Variants in SPTBN5 observed in about 807,000 individuals in gnomAD.
SPTBN5 encodes the protein spectrin beta, non-erythrocytic 5.
In SPTBN5, 513 loss-of-function variants were observed where a neutral mutation model predicts 477.6. The observed-to-expected ratio is 1.07, with a 90% CI of 1.00 to 1.16. The LOEUF (loss-of-function observed/expected upper bound fraction) is 1.16. SPTBN5 is among the 50% of genes most tolerant of loss of function. The pLI, the probability that SPTBN5 is intolerant of heterozygous loss-of-function variation, is 0.00. For missense variants in SPTBN5, 5,062 were observed against 4,731.8 expected (o/e 1.07, Z -2.05); for synonymous variants, 2,169 against 2,011.7 (o/e 1.08, Z -2.09).
Position 41,855,813 on chromosome 15 carries a change from A to T in SPTBN5, c.9022-68T>A, listed in dbSNP as rs1404305832. ...CCAGGGCTCAGGATTTACAGCCACGATTCTCAGCCTGGCTGCACAGGGGAA... is the reference window on the plus strand; with the variant it reads ...CCAGGGCTCAGGATTTACAGCCACGTTTCTCAGCCTGGCTGCACAGGGGAA... On this transcript the variant is annotated intron_variant, in intron 53 of 67. Transcript: ENST00000320955. 7.0e-6 allele frequency: 10 copies of T among 1,432,384 alleles called. No individual in the cohort carries two copies. In the Admixed American group the frequency reaches 1.9e-4, roughly 28 times the overall value. The allele number at this position is 1,432,384 out of a possible 1,614,324, so 88.7% of individuals were successfully genotyped here.
chr15:41,851,134 G>A lies in SPTBN5; in HGVS notation c.10760C>T (p.Ala3587Val). ...CCGGGCTCCCGTGAGGTCAAGGAGG[G>A]CTATGGAAGCTACTTTCTGAGGAGA... ...RMAAEKVASI[A>V]LLDLTGARCE... Residue 3587 changes from alanine to valine, a missense_variant, in exon 65 of 68, where the codon GCC (alanine) becomes GTC (valine). Ala to Val is a moderately conservative substitution (Grantham distance 64). Transcript: ENST00000320955. The A allele has an allele frequency of 1.2e-6, 2 of 1,613,130 alleles. No homozygotes were observed. Among genetic ancestry groups the A allele is most frequent in the Non-Finnish European group, 8.5e-7 (1 of 1,179,752 alleles).
At chr15:41,868,024 A>G (rs977075737) in intron 34 of SPTBN5, 45 bp downstream of exon 34, 1 of 1,555,258 alleles carries the variant, frequency 6.4e-7, no homozygotes, top group African/African-American at 1.4e-5. Flanking sequence ...AATAGAAAGG[A>G]GGAGCAGGAG....
At chr15:41,849,578 G>A (rs891628424) in intron 67 of SPTBN5, among the ~76,000 whole-genome samples, 3 of 152,184 alleles carry the variant, frequency 2.0e-5, no homozygotes, top group African/African-American at 4.8e-5. Context: ...ACAAGCAGCC[G>A]AGCAGGAAGG....
rs1254394574 is a variant in SPTBN5, at chr15:41,852,189, T to A, written c.10577A>T (p.Asp3526Val). ...CCCCATAGGGACACCTGCCTGGGGGTCCCTCGTCTCAGCCAGCTGTGCTCC... is the reference window on the plus strand; with the variant it reads ...CCCCATAGGGACACCTGCCTGGGGGACCCTCGTCTCAGCCAGCTGTGCTCC... ...GLGAQLAETR[D>V]PQDAKGTPTM... The change falls in exon 62 of 68, where the codon GAC (aspartate) becomes GTC (valine). Residue 3526 changes from aspartate to valine, a missense_variant. Physicochemically the swap from Asp to Val is radical, Grantham distance 152 (BLOSUM62 -3). Coordinates refer to ENST00000320955, the MANE Select transcript of SPTBN5 (RefSeq NM_016642.4). The A allele has an allele frequency of 6.3e-7, 1 of 1,589,960 alleles. No individual in the cohort carries two copies. The highest frequency in any genetic ancestry group is 2.3e-5 in the East Asian group (1 of 44,342).
At position 41,856,444 on chromosome 15, in the gene SPTBN5, G is replaced by A. The variant is rs541858579; in HGVS notation, c.8963C>T (p.Ala2988Val). The A allele has an allele frequency of 1.3e-4, 212 of 1,594,354 alleles. No individual in the cohort carries two copies. In the South Asian group the frequency reaches 2.0e-3, roughly 15 times the overall value. ...EKAMAHLRAEAARRRLLLQQA... is the reference protein window; with the variant it reads ...EKAMAHLRAEVARRRLLLQQA... ...CTGCAGCAGAAGCCGCCTCCGCGCC[G>A]CCTCTGCCCGCAGGTGGGCCATGGC... The change falls in exon 53 of 68, where the codon GCG becomes GTG. Residue 2988 changes from alanine to valine, a missense_variant. Ala to Val is a moderately conservative substitution (Grantham distance 64, BLOSUM62 0). Transcript: ENST00000320955.
chr15:41,853,074 C>G (rs924544301), intron 59 of SPTBN5, 74 bp from the exon 60 acceptor site: 1 of 1,450,810 alleles, frequency 6.9e-7, no homozygotes, highest in Non-Finnish European at 9.1e-7. Flanking sequence ...GCTGGAGAGC[C>G]AAGTGTTAAT....
intron 1 of SPTBN5, 54 bp from the exon 2 acceptor site, chr15:41,893,600 G>A: frequency 6.8e-7 from 1 of 1,470,354 alleles, no homozygotes; most frequent in Non-Finnish European, 9.0e-7. Context: ...CCCTCTACCA[G>A]GGGCCTGGGG....
chr15:41,848,596 G>A lies in SPTBN5; in HGVS notation c.*20C>T, dbSNP rs967298323. 2 of 1,613,760 alleles carry A rather than the reference G, an allele frequency of 1.2e-6. No homozygotes were observed. The highest frequency in any genetic ancestry group is 8.5e-7 in the Non-Finnish European group (1 of 1,179,806). On this transcript the variant is annotated 3_prime_UTR_variant, in exon 68 of 68. Transcript: ENST00000320955. ...TCCTCGCTTGTGCCCCTGAAGTTTG[G>A]TGTTGCACTGGGGTTCACCTCAGGG...
At position 41,874,892 on chromosome 15, in the gene SPTBN5, G is replaced by A. The variant is rs2066669632; in HGVS notation, c.4452C>T (p.Gly1484=). The stretch of plus-strand genomic sequence containing the variant: ...CCAGGATGGCCGGGGAGGCGGCCAT[G>A]CCATGGGCCATGGAGGCGAGGGCAG... The part of the protein sequence containing the change: ...KMAALASMAH[G]MAASPAILEE... The change falls in exon 23 of 68, where the codon GGC becomes GGT. Residue 1484 remains glycine, a synonymous_variant. Transcript: ENST00000320955. 1 of 1,612,750 alleles carries A rather than the reference G, an allele frequency of 6.2e-7. No individual in the cohort carries two copies. The highest frequency in any genetic ancestry group is 1.3e-5 in the African/African-American group (1 of 74,930).
chr15:41,878,262 T>C (rs2066813421), intron 17 of SPTBN5, 80 bp downstream of exon 17: 2 of 1,511,516 alleles, frequency 1.3e-6, no homozygotes, highest in South Asian at 1.3e-5. Flanking sequence ...ACTTCCCGCA[T>C]GCTCTTTCTG....
chr15:41,862,101 G>T, intron 44 of SPTBN5, 29 bp downstream of exon 44: 1 of 1,524,506 alleles, frequency 6.6e-7, no homozygotes. Context: ...TGAGAGCCTG[G>T]GAAAGGCTTG....
intron 39 of SPTBN5, among the ~76,000 whole-genome samples, chr15:41,864,548 A>G (rs1190249378): frequency 1.3e-5 from 2 of 152,194 alleles, no homozygotes; most frequent in Non-Finnish European, 2.9e-5. Context: ...TACTGACCTC[A>G]AGTGATCTGC....
At chr15:41,864,124 G>C (rs1034437187) in intron 39 of SPTBN5, 100 bp from the exon 40 acceptor site, 10 of 983,406 alleles carry the variant, frequency 1.0e-5, no homozygotes, top group Non-Finnish European at 1.5e-5. Flanking sequence ...CCCGGAGCAT[G>C]AGGAACTGCA....
chr15:41,863,620 G>A, intron 41 of SPTBN5, 84 bp downstream of exon 41: 1 of 1,068,914 alleles, frequency 9.4e-7, no homozygotes. Context: ...TGAGGGGGGA[G>A]ACGCATGGGA....
At position 41,877,293 on chromosome 15, in the gene SPTBN5, C is replaced by T. The variant is rs1230098277; in HGVS notation, c.3534G>A (p.Glu1178=). Residue 1178 remains glutamate, a synonymous_variant, in exon 18 of 68, where the codon GAG becomes GAA. Coordinates refer to ENST00000320955, the MANE Select transcript of SPTBN5 (RefSeq NM_016642.4). Reference sequence around the variant, plus strand: ...CCAGGACCCTCAGAGTGTTGGGCACCTCTTGGGAGTCTGGGCAGTCCAAGG... The same window carrying T: ...CCAGGACCCTCAGAGTGTTGGGCACTTCTTGGGAGTCTGGGCAGTCCAAGG... ...MAALDCPDSQ[E]VPNTLRVLGQ... is the part of the protein sequence containing the mutation. 6.2e-7 allele frequency: 1 copy of T among 1,613,434 alleles called. No individual in the cohort carries two copies. Among genetic ancestry groups the T allele is most frequent in the East Asian group, 2.2e-5 (1 of 44,872 alleles).
chr15:41,854,648 G>A, intron 56 of SPTBN5, 134 bp downstream of exon 56: 1 of 727,442 alleles, frequency 1.4e-6, no homozygotes, highest in Non-Finnish European at 2.1e-6. Context: ...GAGCAGGTGA[G>A]GGAAAAGGCA....
At chr15:41,892,734 G>A (rs573243896) in intron 3 of SPTBN5, 160 bp downstream of exon 3, 42 of 770,824 alleles carry the variant, frequency 5.4e-5, no homozygotes, top group Middle Eastern at 3.8e-4. Flanking sequence ...CGAGGAGGGC[G>A]TGGCTTCTGC....
At chr15:41,883,623 G>T in intron 7 of SPTBN5, 137 bp from the exon 8 acceptor site, 1 of 982,762 alleles carries the variant, frequency 1.0e-6, no homozygotes, top group Non-Finnish European at 1.5e-6. Context: ...TATGGACTCT[G>T]ACAGCATCCT....
At position 41,886,202 on chromosome 15, in the gene SPTBN5, G is replaced by A. The variant is rs1272603493; in HGVS notation, c.1053C>T (p.Phe351=). ...MRQLLAAFTI[F]RTQEKPPRLQ... is the part of the protein sequence containing the mutation. ...GCCGGGGTGGCTTCTCCTGGGTGCGGAAGATGGTGAATGCTGCCAGTAGCT... is the reference window on the plus strand; with the variant it reads ...GCCGGGGTGGCTTCTCCTGGGTGCGAAAGATGGTGAATGCTGCCAGTAGCT... Residue 351 remains phenylalanine, a synonymous_variant, in exon 7 of 68, where the codon TTC becomes TTT. Transcript: ENST00000320955. 4 of 1,613,048 alleles carry A rather than the reference G, an allele frequency of 2.5e-6. No homozygotes were observed. Among genetic ancestry groups the A allele is most frequent in the Non-Finnish European group, 3.4e-6 (4 of 1,179,890 alleles).
Sources: allele counts gnomAD v4.1 joint callset (sites outside exome capture counted in the v4.1 genomes callset), GRCh38; gene constraint gnomAD v4.1.1; transcripts MANE v1.5; gene names NCBI Gene and HGNC (gene_info 2026-07-23, HGNC 2026-07-21).